Variants in ZNF766 observed in about 807,000 individuals in gnomAD.
The protein encoded by ZNF766 is zinc finger protein 766.
A neutral mutation model predicts 13.2 loss-of-function variants in ZNF766; 13 were observed. That is an observed-to-expected ratio of 0.98 (90% CI 0.64 to 1.56). The LOEUF (loss-of-function observed/expected upper bound fraction) is 1.56. Among genes scored for constraint, ZNF766 ranks in the 40% most tolerant of loss-of-function variants. The pLI, the probability that ZNF766 is intolerant of heterozygous loss-of-function variation, is 0.00. For synonymous variants in ZNF766, 178 were observed against 187.6 expected, an observed-to-expected ratio of 0.95 and a Z score of 0.42; for missense variants, 521 against 552.2, an observed-to-expected ratio of 0.94 and a Z score of 0.57.
At chr19:52,270,834 GGA>G (rs1980942985) in intron 1 of ZNF766, among the ~76,000 whole-genome samples, 1 of 152,124 alleles carries the variant, frequency 6.6e-6, no homozygotes, top group South Asian at 2.1e-4. Context: ...CTGCGGGAGA[GGA>G]GAGGGGCTCA....
In ZNF766 at chr19:52,277,209, C is replaced by T; in HGVS notation, c.19-4902C>T. 7 of 1,202,910 alleles carry T rather than the reference C, an allele frequency of 5.8e-6. No homozygotes were observed. The South Asian group carries it at 8.9e-5, about 15-fold the overall frequency. The allele number at this position is 1,202,910 out of a possible 1,614,324, so 74.5% of individuals were successfully genotyped here. On this transcript the variant is annotated intron_variant, in intron 1 of 3. Transcript: ENST00000439461. ...GCGCGGGGGCTCATACCTGTAATCC[C>T]GGCACTTTGGGAGGCCGAGACGGGC...
chr19:52,283,442 C>T (rs755451207), intron 3 of ZNF766, 29 bp downstream of exon 3: 28 of 1,518,396 alleles, frequency 1.8e-5, no homozygotes, highest in Non-Finnish European at 8.8e-7. Flanking sequence ...AGAGTGAAAG[C>T]CACACTTTTT....
chr19:52,286,514 G>T (rs779890740), intron 3 of ZNF766, among the ~76,000 whole-genome samples: 1 of 151,998 alleles, frequency 6.6e-6, no homozygotes, highest in African/African-American at 2.4e-5. Flanking sequence ...GAGCTCAAGC[G>T]ATCCTCCCGC....
intron 1 of ZNF766, among the ~76,000 whole-genome samples, chr19:52,272,499 G>A (rs928891494): frequency 6.6e-6 from 1 of 152,046 alleles, no homozygotes; most frequent in African/African-American, 2.4e-5. Flanking sequence ...CACGGTCTCA[G>A]TCTGTCACCC....
intron 2 of ZNF766, 114 bp from the exon 3 acceptor site, chr19:52,283,171 G>A (rs1446968445): frequency 3.8e-6 from 5 of 1,309,670 alleles, no homozygotes; most frequent in African/African-American, 3.0e-5. Context: ...TTTCATGATC[G>A]CCATTCTAAC....
intron 1 of ZNF766, chr19:52,277,034 T>G (rs1164462157): frequency 8.0e-6 from 7 of 871,468 alleles, no homozygotes; most frequent in Non-Finnish European, 9.7e-6. Context: ...TCAACTCTGA[T>G]GCAGTGGGCA....
At position 52,290,352 on chromosome 19, in the gene ZNF766, C is replaced by A; in HGVS notation, c.561C>A (p.Tyr187Ter). 1.9e-6 allele frequency: 3 copies of A among 1,614,070 alleles called. No homozygotes were observed. Among genetic ancestry groups the A allele is most frequent in the Non-Finnish European group, 1.7e-6 (2 of 1,180,036 alleles). ...EQKAHIRRKP[Y>*]ECNEQGKVFR... ...AAGCACACATTAGGAGAAAACCTTA[C>A]GAATGTAATGAGCAGGGCAAAGTCT... The change falls in exon 4 of 4, where the codon TAC becomes TAA. Residue 187 changes from tyrosine to a stop codon, truncating the protein, a stop_gained. Coordinates refer to ENST00000439461, the MANE Select transcript of ZNF766 (RefSeq NM_001010851.3). LOFTEE classifies it low-confidence loss of function (END_TRUNC).
At chr19:52,279,574 A>G (rs904739694) in intron 1 of ZNF766, among the ~76,000 whole-genome samples, 5 of 151,994 alleles carry the variant, frequency 3.3e-5, no homozygotes, top group Admixed American at 2.6e-4. Context: ...ATAAATTTTA[A>G]TGGACAAAGC....
At chr19:52,281,193 A>G (rs778584332) in intron 1 of ZNF766, among the ~76,000 whole-genome samples, 5 of 151,864 alleles carry the variant, frequency 3.3e-5, no homozygotes, top group Non-Finnish European at 7.4e-5. Flanking sequence ...TTGAAATTAC[A>G]TCTGAAATAC....
Position 52,290,951 on chromosome 19 carries a change from A to G in ZNF766, c.1160A>G (p.Glu387Gly), listed in dbSNP as rs745754333. The change falls in exon 4 of 4, where the codon GAA becomes GGA. Residue 387 changes from glutamate to glycine, a missense_variant. Glu to Gly is a moderately conservative substitution (Grantham distance 98). Coordinates refer to ENST00000439461, the MANE Select transcript of ZNF766 (RefSeq NM_001010851.3). ...GGAGAGAAACCTTATAAATGTCATG[A>G]ATGTGGCAAAGTCTTCACTCAAGTT... ...HNGEKPYKCH[E>G]CGKVFTQVSH... 6.2e-7 allele frequency: 1 copy of G among 1,614,146 alleles called. No individual in the cohort carries two copies. Among genetic ancestry groups the G allele is most frequent in the South Asian group, 1.1e-5 (1 of 91,078 alleles).
intron 1 of ZNF766, among the ~76,000 whole-genome samples, chr19:52,276,252 C>T (rs2657919): frequency 0.27 from 41,045 of 151,930 alleles, 5,740 homozygotes; most frequent in African/African-American, 0.34. Context: ...ATCCTCTGCA[C>T]CCTCCCATAT....
intron 3 of ZNF766, among the ~76,000 whole-genome samples, chr19:52,284,478 C>T (rs2122482394): frequency 6.6e-6 from 1 of 152,148 alleles, no homozygotes; most frequent in East Asian, 1.9e-4. Flanking sequence ...CAGTGATTTT[C>T]CTACTCTCAC....
In ZNF766 at chr19:52,291,060, T is replaced by G. The variant is rs888885090; in HGVS notation, c.1269T>G (p.Asn423Lys). Residue 423 changes from asparagine to lysine, a missense_variant, in exon 4 of 4, where the codon AAT becomes AAG. Physicochemically the swap from Asn to Lys is moderately conservative, Grantham distance 94. Transcript: ENST00000439461. ...CNECGKVFTQ[N>K]SHLANHQRIH... is the part of the protein sequence containing the mutation. ...AGTGTGGCAAAGTCTTCACTCAGAA[T>G]TCACACCTTGCAAATCATCAGAGAA... 6.2e-7 allele frequency: 1 copy of G among 1,614,032 alleles called. No individual in the cohort carries two copies. The highest frequency in any genetic ancestry group is 1.3e-5 in the African/African-American group (1 of 74,936).
Position 52,290,956 on chromosome 19 carries a change from GGC to G in ZNF766, c.1166_1167del (p.Gly389GlufsTer25). The G allele has an allele frequency of 1.2e-6, 2 of 1,614,036 alleles. No individual in the cohort carries two copies. The highest frequency in any genetic ancestry group is 2.2e-5 in the South Asian group (2 of 91,070). On this transcript the variant is annotated frameshift_variant, in exon 4 of 4. Coordinates refer to ENST00000439461, the MANE Select transcript of ZNF766 (RefSeq NM_001010851.3). LOFTEE classifies it low-confidence loss of function (END_TRUNC). ...GAAACCTTATAAATGTCATGAATGT[GGC>G]AAAGTCTTCACTCAAGTTTCACATC... The part of the protein sequence containing the change: ...GEKPYKCHEC[G>X]KVFTQVSHLA...
intron 1 of ZNF766, among the ~76,000 whole-genome samples, chr19:52,270,888 G>A (rs1340705823): frequency 2.0e-5 from 3 of 152,046 alleles, no homozygotes; most frequent in African/African-American, 4.8e-5. Context: ...GAGTTCAAGC[G>A]ATTCTCCTGC....
Position 52,292,650 on chromosome 19 carries a change from T to G in ZNF766, c.*1452T>G, listed in dbSNP as rs987865887. ...CATGTTCTTGAGTAGGATTCACATT[T>G]AACTGCTGGCATAATTTGCAACTGT... On this transcript the variant is annotated 3_prime_UTR_variant, in exon 4 of 4. Transcript: ENST00000439461. 1 of 153,736 alleles carries G rather than the reference T, an allele frequency of 6.5e-6. No individual in the cohort carries two copies. The highest frequency in any genetic ancestry group is 1.9e-4 in the East Asian group (1 of 5,248). The allele number at this position is 153,736 out of a possible 1,614,324, so 9.5% of individuals were successfully genotyped here.
In ZNF766 at chr19:52,282,134, G is replaced by A. The variant is rs1427679363; in HGVS notation, c.42G>A (p.Val14=). 2 of 1,604,434 alleles carry A rather than the reference G, an allele frequency of 1.2e-6. No individual in the cohort carries two copies. The highest frequency in any genetic ancestry group is 8.5e-7 in the Non-Finnish European group (1 of 1,173,832). ...LRRGHLTFRD[V]AIEFSQEEWK... is the part of the protein sequence containing the mutation. Reference sequence around the variant, plus strand: ...AGGGACACTTGACATTCAGGGACGTGGCCATAGAATTCTCTCAGGAGGAGT... The same window carrying A: ...AGGGACACTTGACATTCAGGGACGTAGCCATAGAATTCTCTCAGGAGGAGT... Residue 14 remains valine (V), a synonymous_variant, in exon 2 of 4, where the codon GTG becomes GTA. Coordinates refer to ENST00000439461, the MANE Select transcript of ZNF766 (RefSeq NM_001010851.3).
At chr19:52,272,915 C>T (rs1036169621) in intron 1 of ZNF766, among the ~76,000 whole-genome samples, 2 of 152,202 alleles carry the variant, frequency 1.3e-5, no homozygotes, top group African/African-American at 4.8e-5. Context: ...CCCTGCAGTC[C>T]TGCACATCTC....
At chr19:52,274,093 A>G (rs1404102554) in intron 1 of ZNF766, among the ~76,000 whole-genome samples, 4 of 152,202 alleles carry the variant, frequency 2.6e-5, no homozygotes, top group East Asian at 3.8e-4. Context: ...CATCCTTCTG[A>G]GCAGGATGAT....
Sources: gnomAD v4.1 joint callset for allele counts (sites outside exome capture counted in the v4.1 genomes callset) on GRCh38, gnomAD v4.1.1 for gene constraint, MANE v1.5 for transcripts, NCBI Gene and HGNC (gene_info 2026-07-23, HGNC 2026-07-21) for gene names.